Variants in TXNDC11 observed in about 807,000 individuals in gnomAD.
TXNDC11 encodes the protein thioredoxin domain-containing protein 11.
A neutral mutation model predicts 78.0 loss-of-function variants in TXNDC11; 68 were observed. The ratio of observed to expected loss-of-function variants is 0.87; its 90% CI spans 0.72 to 1.07. TXNDC11 has a LOEUF of 1.07. Ranked by LOEUF, TXNDC11 falls within the 50% of genes least tolerant of loss-of-function variation. TXNDC11 has a pLI of 0.00. For missense variants in TXNDC11, 1,389 were observed against 1,221.8 expected, an observed-to-expected ratio of 1.14 and a Z score of -2.04; for synonymous variants, 571 against 495.2, an observed-to-expected ratio of 1.15 and a Z score of -2.03.
intron 11 of TXNDC11, among the ~76,000 whole-genome samples, chr16:11,680,914 C>T (rs942353051): frequency 2.0e-5 from 3 of 152,170 alleles, no homozygotes; most frequent in African/African-American, 7.2e-5. Flanking sequence ...TGCCTGTAAT[C>T]CCAGTGCTTT....
chr16:11,707,987 T>A (rs1296733800), intron 5 of TXNDC11, among the ~76,000 whole-genome samples: 1 of 151,872 alleles, frequency 6.6e-6, no homozygotes, highest in Non-Finnish European at 1.5e-5. Flanking sequence ...GGGAGGCTGA[T>A]GCAGGAGGAA....
chr16:11,728,959 C>A (rs1160170782), intron 4 of TXNDC11, among the ~76,000 whole-genome samples: 1 of 152,136 alleles, frequency 6.6e-6, no homozygotes, highest in Non-Finnish European at 1.5e-5. Flanking sequence ...CAAGATCATG[C>A]CACTGCACTC....
intron 1 of TXNDC11, among the ~76,000 whole-genome samples, chr16:11,738,461 A>T (rs2141128558): frequency 6.6e-6 from 1 of 152,364 alleles, no homozygotes; most frequent in Admixed American, 6.5e-5. Flanking sequence ...TTTCTAGGGG[A>T]GGAAGACAGG....
intron 6 of TXNDC11, among the ~76,000 whole-genome samples, chr16:11,699,688 C>T (rs905147790): frequency 2.0e-5 from 3 of 152,260 alleles, no homozygotes; most frequent in Admixed American, 2.0e-4. Flanking sequence ...TCCGAAGGCA[C>T]AAGACTTAGA....
intron 5 of TXNDC11, among the ~76,000 whole-genome samples, chr16:11,718,290 C>T (rs145409890): frequency 7.3e-4 from 111 of 152,200 alleles, no homozygotes; most frequent in African/African-American, 2.0e-3. Context: ...ATCATTAAGG[C>T]AGGGGAAAGG....
At chr16:11,709,616 T>C (rs2051284773) in intron 5 of TXNDC11, among the ~76,000 whole-genome samples, 1 of 151,484 alleles carries the variant, frequency 6.6e-6, no homozygotes, top group South Asian at 2.1e-4. Context: ...TTTGTATTTT[T>C]AGTAGAGACG....
intron 7 of TXNDC11, among the ~76,000 whole-genome samples, chr16:11,696,859 GC>G (rs2050873144): frequency 6.6e-6 from 1 of 152,134 alleles, no homozygotes; most frequent in South Asian, 2.1e-4. Context: ...GTGGGCTCCT[GC>G]CACAAAATAC....
At chr16:11,741,614 T>G (rs1419227758) in intron 1 of TXNDC11, among the ~76,000 whole-genome samples, 1 of 152,226 alleles carries the variant, frequency 6.6e-6, no homozygotes, top group African/African-American at 2.4e-5. Flanking sequence ...ACCGCCATCG[T>G]TTCTATGCCC....
At chr16:11,737,458 A>AT (rs1261311635) in intron 1 of TXNDC11, among the ~76,000 whole-genome samples, 1 of 151,838 alleles carries the variant, frequency 6.6e-6, no homozygotes, top group Non-Finnish European at 1.5e-5. Flanking sequence ...AAAAAAAAAA[A>AT]GAAAGAAAGT....
intron 1 of TXNDC11, among the ~76,000 whole-genome samples, chr16:11,739,679 AT>A (rs559443795): frequency 1.3e-3 from 199 of 152,062 alleles, no homozygotes; most frequent in African/African-American, 4.5e-3. Context: ...CACACAGACA[AT>A]TTTTTTTCCC....
intron 6 of TXNDC11, among the ~76,000 whole-genome samples, 179 bp from the exon 7 acceptor site, chr16:11,698,504 G>T (rs754665413): frequency 1.3e-5 from 2 of 152,224 alleles, no homozygotes; most frequent in Non-Finnish European, 2.9e-5. Flanking sequence ...CCTCACAAGT[G>T]GTTGAAAAAA....
chr16:11,741,181 A>G (rs2052380111), intron 1 of TXNDC11, among the ~76,000 whole-genome samples: 1 of 152,168 alleles, frequency 6.6e-6, no homozygotes, highest in African/African-American at 2.4e-5. Flanking sequence ...TTCCACTAAA[A>G]TCCCCGATCT....
intron 11 of TXNDC11, among the ~76,000 whole-genome samples, chr16:11,680,602 T>C (rs1375959713): frequency 6.6e-6 from 1 of 152,206 alleles, no homozygotes; most frequent in Non-Finnish European, 1.5e-5. Flanking sequence ...CTCTCACATA[T>C]CTATTTACCT....
In TXNDC11 at chr16:11,681,790, T is replaced by C. The variant is rs566900973; in HGVS notation, c.2235-1953A>G. 4.3e-4 allele frequency among the ~76,000 whole-genome samples: 66 copies of C among 152,344 alleles called. 1 individual carries two copies. Among genetic ancestry groups the C allele is most frequent in the African/African-American group, 1.5e-3 (63 of 41,574 alleles). ...CTCGGTGGAGCAAGTGGCTCCAAGA[T>C]GCCTCTGCACAGGAAGGCTATGTCT... On this transcript the variant is annotated intron_variant, in intron 11 of 11. Transcript: ENST00000283033.
At chr16:11,690,760 C>T (rs1197208099) in intron 8 of TXNDC11, 2 of 152,032 alleles carry the variant, frequency 1.3e-5, no homozygotes, top group African/African-American at 4.8e-5. Flanking sequence ...CGGGGTTTCA[C>T]CACATTAGCC....
At chr16:11,707,319 T>G (rs1384880831) in intron 5 of TXNDC11, among the ~76,000 whole-genome samples, 2 of 150,286 alleles carry the variant, frequency 1.3e-5, no homozygotes, top group Admixed American at 1.3e-4. Context: ...TTTGGGAGGC[T>G]GAGGCAGGAG....
At chr16:11,696,370 C>G (rs1018946701) in intron 7 of TXNDC11, among the ~76,000 whole-genome samples, 10 of 152,222 alleles carry the variant, frequency 6.6e-5, no homozygotes, top group Non-Finnish European at 1.0e-4. Flanking sequence ...CCTCCCTCCT[C>G]TGGTTCCTCC....
intron 3 of TXNDC11, among the ~76,000 whole-genome samples, chr16:11,732,881 C>T (rs368878573): frequency 2.6e-5 from 4 of 152,172 alleles, no homozygotes; most frequent in African/African-American, 9.7e-5. Flanking sequence ...AAAAGGAAAG[C>T]TCTCTACTGA....
chr16:11,701,639 T>C (rs555111243), intron 5 of TXNDC11, among the ~76,000 whole-genome samples: 2 of 152,282 alleles, frequency 1.3e-5, no homozygotes, highest in East Asian at 3.9e-4. Context: ...AGGAAATATG[T>C]ATACATGGCT....
Sources: allele counts gnomAD v4.1 joint callset (sites outside exome capture counted in the v4.1 genomes callset), GRCh38; gene constraint gnomAD v4.1.1; transcripts MANE v1.5; gene names NCBI Gene and HGNC (gene_info 2026-07-23, HGNC 2026-07-21).